Variants in LHFPL6 observed in about 807,000 individuals in gnomAD.
LHFPL6 encodes the protein LHFPL tetraspan subfamily member 6.
Under a neutral mutation model 20.6 loss-of-function variants are expected in LHFPL6, and 9 were observed. That is an observed-to-expected ratio of 0.44 (90% CI 0.26 to 0.76). The LOEUF (loss-of-function observed/expected upper bound fraction) is 0.76. LHFPL6 is among the 30% of genes least tolerant of loss of function. The pLI is 0.20. For missense variants in LHFPL6, 218 were observed against 253.5 expected (o/e 0.86, Z 0.95); for synonymous variants, 105 against 98.7 (o/e 1.06, Z -0.38).
At chr13:39,487,298 CT>C (rs1566122745) in intron 2 of LHFPL6, among the ~76,000 whole-genome samples, 2 of 152,176 alleles carry the variant, frequency 1.3e-5, no homozygotes, top group South Asian at 2.1e-4. Flanking sequence ...TTTATAGTGC[CT>C]TTTTGGCTTA....
chr13:39,406,918 G>T (rs890507258), intron 2 of LHFPL6, among the ~76,000 whole-genome samples: 2 of 152,180 alleles, frequency 1.3e-5, no homozygotes, highest in African/African-American at 4.8e-5. Context: ...TAAGTTCTGA[G>T]ATTGCAAGAG....
chr13:39,410,720 G>A (rs1055455393), intron 2 of LHFPL6, among the ~76,000 whole-genome samples: 3 of 152,130 alleles, frequency 2.0e-5, no homozygotes, highest in Non-Finnish European at 4.4e-5. Context: ...ACCTCCCAGA[G>A]GACACCCCCA....
At chr13:39,589,116 T>C (rs1445107431) in intron 2 of LHFPL6, among the ~76,000 whole-genome samples, 1 of 151,664 alleles carries the variant, frequency 6.6e-6, no homozygotes, top group East Asian at 1.9e-4. Context: ...ACCAGATAAA[T>C]TTTTTTTTAT....
chr13:39,438,374 T>C (rs1323039324), intron 2 of LHFPL6, among the ~76,000 whole-genome samples: 2 of 152,174 alleles, frequency 1.3e-5, no homozygotes, highest in Admixed American at 6.5e-5. Context: ...AGTAAATAAA[T>C]GAACTGAAAC....
intron 2 of LHFPL6, among the ~76,000 whole-genome samples, chr13:39,389,497 A>G (rs536740662): frequency 6.6e-6 from 1 of 152,322 alleles, no homozygotes; most frequent in South Asian, 2.1e-4. Flanking sequence ...CTTTGGAACC[A>G]GAGAGTGATT....
intron 3 of LHFPL6, among the ~76,000 whole-genome samples, chr13:39,351,370 C>T (rs957007643): frequency 6.6e-6 from 1 of 151,408 alleles, no homozygotes; most frequent in Admixed American, 6.6e-5. Flanking sequence ...AGTAACTTAC[C>T]CATTATCTCA....
In LHFPL6 at chr13:39,512,377, T is replaced by C. The variant is rs112025596; in HGVS notation, c.385+88455A>G. 2.7e-3 allele frequency among the ~76,000 whole-genome samples: 413 copies of C among 152,184 alleles called. 1 individual carries two copies. Among genetic ancestry groups the C allele is most frequent in the African/African-American group, 9.7e-3 (401 of 41,520 alleles). On this transcript the variant is annotated intron_variant, in intron 2 of 3. Coordinates refer to ENST00000379589, the MANE Select transcript of LHFPL6 (RefSeq NM_005780.3). ...CAGCACTTTGGGAGGCGGAGGCGTG[T>C]GGATCACGAGGTCAGGTGATCGAGA...
chr13:39,352,997 T>G (rs1314743034), intron 3 of LHFPL6, among the ~76,000 whole-genome samples: 3 of 139,552 alleles, frequency 2.1e-5, no homozygotes, highest in Non-Finnish European at 4.6e-5. Flanking sequence ...ATAATTTTTT[T>G]TTTTTTTTTG....
chr13:39,455,852 T>G (rs1298690674), intron 2 of LHFPL6, among the ~76,000 whole-genome samples: 1 of 152,116 alleles, frequency 6.6e-6, no homozygotes. Flanking sequence ...ACAAAACACA[T>G]AAGAAACAAA....
chr13:39,387,067 T>C (rs1870583680), intron 2 of LHFPL6, among the ~76,000 whole-genome samples: 1 of 152,162 alleles, frequency 6.6e-6, no homozygotes, highest in African/African-American at 2.4e-5. Context: ...TGACCATACA[T>C]TGCAGTTATT....
chr13:39,355,618 C>T (rs142819451), intron 3 of LHFPL6, among the ~76,000 whole-genome samples: 1 of 152,128 alleles, frequency 6.6e-6, no homozygotes, highest in East Asian at 1.9e-4. Context: ...TAAGACCCAG[C>T]CATCTGCTGT....
At chr13:39,365,863 C>A (rs1280148967) in intron 3 of LHFPL6, among the ~76,000 whole-genome samples, 2 of 152,218 alleles carry the variant, frequency 1.3e-5, no homozygotes, top group African/African-American at 4.8e-5. Flanking sequence ...TAGGGATGAT[C>A]AAGCCGTGGA....
At chr13:39,584,321 CA>C in intron 2 of LHFPL6, among the ~76,000 whole-genome samples, 1 of 152,100 alleles carries the variant, frequency 6.6e-6, no homozygotes, top group East Asian at 1.9e-4. Context: ...GCAGGCAGAT[CA>C]CCTGAGGTGG....
chr13:39,359,547 A>G (rs1430190854), intron 3 of LHFPL6, among the ~76,000 whole-genome samples: 1 of 152,192 alleles, frequency 6.6e-6, no homozygotes, highest in African/African-American at 2.4e-5. Flanking sequence ...AGCAAATACC[A>G]CATGTTCTCA....
At chr13:39,575,790 T>C (rs1395729806) in intron 2 of LHFPL6, among the ~76,000 whole-genome samples, 4 of 152,212 alleles carry the variant, frequency 2.6e-5, no homozygotes, top group Non-Finnish European at 4.4e-5. Context: ...TTTCTCCTTA[T>C]GTCTCACTTC....
chr13:39,506,028 A>G lies in LHFPL6; in HGVS notation c.385+94804T>C, dbSNP rs1482169264. Reference sequence around the variant, plus strand: ...AACTCAGATAAAGCCTGCATTCAAAACTGATCACCTTGTCATGCAGGTGAT... The same window carrying G: ...AACTCAGATAAAGCCTGCATTCAAAGCTGATCACCTTGTCATGCAGGTGAT... On this transcript the variant is annotated intron_variant, in intron 2 of 3. Coordinates refer to ENST00000379589, the MANE Select transcript of LHFPL6 (RefSeq NM_005780.3). Among the ~76,000 whole-genome samples the G allele has an allele frequency of 6.6e-5, 10 of 152,250 alleles. No individual in the cohort carries two copies. In the East Asian group the frequency reaches 1.7e-3, roughly 26 times the overall value.
At chr13:39,434,540 T>C (rs1174487754) in intron 2 of LHFPL6, among the ~76,000 whole-genome samples, 1 of 152,194 alleles carries the variant, frequency 6.6e-6, no homozygotes, top group African/African-American at 2.4e-5. Context: ...CCAAGTTAAA[T>C]TGTTTTTAAA....
At chr13:39,602,673 G>A (rs923230948) in intron 1 of LHFPL6, among the ~76,000 whole-genome samples, 2 of 152,218 alleles carry the variant, frequency 1.3e-5, no homozygotes, top group African/African-American at 4.8e-5. Flanking sequence ...AGCCGGCTCT[G>A]GACGAAGGGA....
chr13:39,593,626 T>C (rs1872679415), intron 2 of LHFPL6, among the ~76,000 whole-genome samples: 1 of 152,104 alleles, frequency 6.6e-6, no homozygotes, highest in Admixed American at 6.6e-5. Context: ...TTAAAGTTCA[T>C]ATGGAACCAA....
Sources: allele counts gnomAD v4.1 joint callset (sites outside exome capture counted in the v4.1 genomes callset), GRCh38; gene constraint gnomAD v4.1.1; transcripts MANE v1.5; gene names NCBI Gene and HGNC (gene_info 2026-07-23, HGNC 2026-07-21).